The following IL31RA variants were observed in gnomAD, a reference collection of about 807,000 sequenced individuals.
IL31RA encodes interleukin-31 receptor subunit alpha.
Under a neutral mutation model 83.7 loss-of-function variants are expected in IL31RA, and 66 were observed. The observed-to-expected ratio is 0.79, with a 90% CI of 0.65 to 0.97. The LOEUF (loss-of-function observed/expected upper bound fraction) is 0.97, where lower values mean the gene tolerates loss of function less well. Ranked by LOEUF, IL31RA falls within the 50% of genes least tolerant of loss-of-function variation. The probability of loss-of-function intolerance (pLI) is 0.00; values close to 1 mark genes in which losing one functional copy is unlikely to be tolerated. For missense variants in IL31RA, 798 were observed against 919.4 expected, an observed-to-expected ratio of 0.87 and a Z score of 1.71; for synonymous variants, 325 against 329.0, an observed-to-expected ratio of 0.99 and a Z score of 0.13.
the IL31RA span, among the ~76,000 whole-genome samples, chr5:55,845,591 A>G: frequency 6.6e-6 from 1 of 152,120 alleles, no homozygotes; most frequent in East Asian, 1.9e-4. Context: ...AGTGAGTCAC[A>G]TGGGATCTCA....
At chr5:55,860,830 A>G (rs1381578602) in intron 2 of IL31RA, among the ~76,000 whole-genome samples, 4 of 152,190 alleles carry the variant, frequency 2.6e-5, no homozygotes, top group Non-Finnish European at 2.9e-5. Flanking sequence ...AATACCTCAG[A>G]CTGGGTGGCT....
At chr5:55,908,113 C>A (rs933126134) in intron 10 of IL31RA, 152 bp from the exon 11 acceptor site, 17 of 1,084,236 alleles carry the variant, frequency 1.6e-5, no homozygotes, top group South Asian at 9.9e-5. Flanking sequence ...AACAATTTTC[C>A]CAAACAAGCT....
At position 55,859,564 on chromosome 5, in the gene IL31RA, G is replaced by A. The variant is rs560651126; in HGVS notation, c.119G>A (p.Trp40Ter). ...GGGATGATGTGGACCTGGGCACTGT[G>A]GATGCTCCCCTCACTCTGCAAATTC... ...NLGMMWTWAL[W>*]MLPSLCKFSL... The change falls in exon 2 of 15, where the codon TGG becomes TAG. Residue 40 changes from tryptophan to a stop codon, truncating the protein, a stop_gained. Coordinates refer to ENST00000652347, the MANE Select transcript of IL31RA (RefSeq NM_139017.7). LOFTEE classifies it high-confidence loss of function. 1.2e-6 allele frequency: 2 copies of A among 1,612,888 alleles called. No homozygotes were observed. Among genetic ancestry groups the A allele is most frequent in the Admixed American group, 1.7e-5 (1 of 59,968 alleles).
upstream of IL31RA, among the ~76,000 whole-genome samples, chr5:55,847,909 A>G (rs1744973863): frequency 1.3e-5 from 2 of 152,198 alleles, no homozygotes; most frequent in African/African-American, 4.8e-5. Flanking sequence ...TTGACTAGAT[A>G]TTCTGTAAAA....
chr5:55,859,154 G>C (rs976966758), intron 1 of IL31RA, among the ~76,000 whole-genome samples: 6 of 152,218 alleles, frequency 3.9e-5, no homozygotes, highest in Admixed American at 1.3e-4. Context: ...AAAACTGTGA[G>C]TTGTTCCATT....
intron 4 of IL31RA, among the ~76,000 whole-genome samples, chr5:55,873,421 T>G (rs1746657438): frequency 6.6e-6 from 1 of 152,152 alleles, no homozygotes; most frequent in Admixed American, 6.5e-5. Flanking sequence ...GATATATACC[T>G]AGTGAAATTG....
intron 12 of IL31RA, 74 bp downstream of exon 12, chr5:55,910,746 A>C: frequency 4.5e-6 from 7 of 1,560,414 alleles, no homozygotes; most frequent in Non-Finnish European, 6.2e-6. Context: ...GACATCTGCC[A>C]AAAGCTGGAG....
In IL31RA at chr5:55,916,716, C is replaced by G; in HGVS notation, c.1891C>G (p.Pro631Ala). ...CAGGATCTTAAAACCATGTTCCACCCCCAGTGACAAGTTGGTGATTGACAA... is the reference window on the plus strand; with the variant it reads ...CAGGATCTTAAAACCATGTTCCACCGCCAGTGACAAGTTGGTGATTGACAA... The part of the protein sequence containing the change: ...EDRILKPCST[P>A]SDKLVIDKLV... Residue 631 changes from proline to alanine, a missense_variant, in exon 15 of 15, where the codon CCC becomes GCC. Physicochemically the swap from Pro to Ala is conservative, Grantham distance 27 (BLOSUM62 -1). Coordinates refer to ENST00000652347, the MANE Select transcript of IL31RA (RefSeq NM_139017.7). 1 of 1,614,144 alleles carries G rather than the reference C, an allele frequency of 6.2e-7. No individual in the cohort carries two copies. Among genetic ancestry groups the G allele is most frequent in the Non-Finnish European group, 8.5e-7 (1 of 1,180,012 alleles).
At chr5:55,901,476 T>C (rs1267234650) in intron 8 of IL31RA, among the ~76,000 whole-genome samples, 1 of 152,136 alleles carries the variant, frequency 6.6e-6, no homozygotes, top group Non-Finnish European at 1.5e-5. Flanking sequence ...GATTAGCTAC[T>C]CGTAAAATGG....
At chr5:55,911,785 G>A (rs964734725) in intron 12 of IL31RA, among the ~76,000 whole-genome samples, 3 of 152,118 alleles carry the variant, frequency 2.0e-5, no homozygotes, top group Non-Finnish European at 2.9e-5. Flanking sequence ...AATGAACAAC[G>A]CTTTTTAGAT....
chr5:55,901,540 A>G (rs535012923), intron 8 of IL31RA, among the ~76,000 whole-genome samples: 12 of 151,930 alleles, frequency 7.9e-5, no homozygotes, highest in African/African-American at 2.9e-4. Context: ...ATTAAATGAG[A>G]TCATGTATGT....
At chr5:55,882,467 G>A (rs1747299634) in intron 4 of IL31RA, among the ~76,000 whole-genome samples, 1 of 152,028 alleles carries the variant, frequency 6.6e-6, no homozygotes, top group African/African-American at 2.4e-5. Flanking sequence ...ATAACAAAAT[G>A]GTAATAAGGG....
At position 55,922,019 on chromosome 5, in the gene IL31RA, T is replaced by C. The variant is rs1271044872; in HGVS notation, c.*4899T>C. On this transcript the variant is annotated 3_prime_UTR_variant, in exon 15 of 15. Transcript: ENST00000652347. ...CAAGCCTACTTGTAATCAAAATGTG[T>C]AGTGTGGTCAGTGTCTTGCACTCTT... is the stretch of plus-strand genomic sequence containing the variant. Among the ~76,000 whole-genome samples, 1 of 139,140 alleles carries C rather than the reference T, an allele frequency of 7.2e-6. No individual in the cohort carries two copies. Among genetic ancestry groups the C allele is most frequent in the Admixed American group, 8.5e-5 (1 of 11,758 alleles). The allele number at this position is 139,140 out of a possible 152,430, so 91.3% of individuals were successfully genotyped here. A position where few individuals can be genotyped will look rare whatever the true frequency, so the allele number is the denominator to read the frequency against.
At chr5:55,844,582 C>A in the IL31RA span, among the ~76,000 whole-genome samples, 2 of 151,962 alleles carry the variant, frequency 1.3e-5, no homozygotes, top group Admixed American at 6.6e-5. Flanking sequence ...TAATGATATA[C>A]CTAGGTGTAG....
At chr5:55,899,433 G>A (rs1469393135) in intron 7 of IL31RA, among the ~76,000 whole-genome samples, 4 of 152,180 alleles carry the variant, frequency 2.6e-5, no homozygotes, top group Non-Finnish European at 2.9e-5. Context: ...TGGCTGGGGC[G>A]CCTGGTCCAG....
chr5:55,841,131 C>T, the IL31RA span, among the ~76,000 whole-genome samples: 3 of 152,328 alleles, frequency 2.0e-5, no homozygotes, highest in African/African-American at 7.2e-5. Flanking sequence ...CCATTTGACA[C>T]TCTGTCTTTA....
intron 11 of IL31RA, 164 bp downstream of exon 11, chr5:55,908,575 C>A (rs1749309021): frequency 6.4e-7 from 1 of 1,555,690 alleles, no homozygotes; most frequent in South Asian, 1.2e-5. Context: ...AGAGCACCCA[C>A]CTTTTGGGGT....
chr5:55,910,651 A>G lies in IL31RA; in HGVS notation c.1621A>G (p.Asn541Asp), dbSNP rs1749447635. The change falls in exon 12 of 15, where the codon AAT becomes GAT. Residue 541 changes from asparagine (N) to aspartate (D), a missense_variant. Transcript: ENST00000652347. ...SAGGTNGTSI[N>D]FKTLSFSVFE... The stretch of plus-strand genomic sequence containing the variant: ...TGGGGGAACCAACGGGACCAGCATA[A>G]ATTTCAAGACATTGTCATTCAGTGA... The G allele has an allele frequency of 6.2e-7, 1 of 1,614,100 alleles. No individual in the cohort carries two copies. The highest frequency in any genetic ancestry group is 1.3e-5 in the African/African-American group (1 of 74,928).
chr5:55,897,017 T>TATA (rs1748443465), intron 7 of IL31RA, among the ~76,000 whole-genome samples: 1 of 3,818 alleles, frequency 2.6e-4, no homozygotes, highest in Non-Finnish European at 5.4e-4. Context: ...ATATATATAT[T>TATA]TTTTTTTTTT....
Sources: gnomAD v4.1 joint callset for allele counts (sites outside exome capture counted in the v4.1 genomes callset) on GRCh38, gnomAD v4.1.1 for gene constraint, MANE v1.5 for transcripts, NCBI Gene and HGNC (gene_info 2026-07-23, HGNC 2026-07-21) for gene names.